The following NOX1 variants were observed in gnomAD, a reference collection of about 807,000 sequenced individuals.
The protein encoded by NOX1 is NADPH oxidase 1, also known as NADH/NADPH mitogenic oxidase subunit P65-MOX.
NOX1 carries 34 observed loss-of-function variants against 42.5 expected under a neutral mutation model. That is an observed-to-expected ratio of 0.80 (90% CI 0.61 to 1.07). The LOEUF (loss-of-function observed/expected upper bound fraction) is 1.07. Among genes scored for constraint, NOX1 ranks in the 50% least tolerant of loss-of-function variants. The probability of loss-of-function intolerance (pLI) is 0.00; values close to 1 mark genes in which losing one functional copy is unlikely to be tolerated. For synonymous variants in NOX1, 143 were observed against 152.5 expected (o/e 0.94, Z 0.46); for missense variants, 408 against 427.0 (o/e 0.96, Z 0.39).
At position 100,845,836 on chromosome X, in the gene NOX1, C is replaced by T. The variant is rs760077082; in HGVS notation, c.1569-1758G>A. On this transcript the variant is annotated intron_variant, in intron 12 of 12. Coordinates refer to ENST00000372966, the MANE Select transcript of NOX1 (RefSeq NM_007052.5). Reference sequence around the variant, plus strand: ...AATCTCGCTGTCGCCCAGGCTGGAGCGCAGTGGCACGATCTTGGCTCACTG... The same window carrying T: ...AATCTCGCTGTCGCCCAGGCTGGAGTGCAGTGGCACGATCTTGGCTCACTG... 1.2e-3 allele frequency among the ~76,000 whole-genome samples: 127 copies of T among 104,107 alleles called. 1 individual carries two copies. The highest frequency in any genetic ancestry group is 5.2e-3 in the Middle Eastern group (1 of 193). 90.4% of individuals were successfully genotyped at this position (104,107 alleles called of 115,157 possible).
In NOX1 at chrX:100,849,787, G is replaced by A; in HGVS notation, c.1281C>T (p.Asn427=). ...IWYKFQCADH[N]LKTKKIYFYW... is the part of the protein sequence containing the mutation. Reference sequence around the variant, plus strand: ...GGGATTATACCTTTTTTGTTTTGAGGTTGTGGTCTGCACACTGGAATTTGT... The same window carrying A: ...GGGATTATACCTTTTTTGTTTTGAGATTGTGGTCTGCACACTGGAATTTGT... Residue 427 remains asparagine (N), a synonymous_variant, in exon 10 of 13, where the codon AAC becomes AAT. Transcript: ENST00000372966. 8.3e-7 allele frequency: 1 copy of A among 1,202,584 alleles called. No homozygotes were observed. Among genetic ancestry groups the A allele is most frequent in the Non-Finnish European group, 1.1e-6 (1 of 892,528 alleles).
intron 7 of NOX1, among the ~76,000 whole-genome samples, chrX:100,861,679 G>C (rs2085204245): frequency 9.0e-6 from 1 of 111,592 alleles, no homozygotes; most frequent in Non-Finnish European, 1.9e-5. Flanking sequence ...CTTTGGGACA[G>C]TATAGTGGTC....
At chrX:100,873,575 G>C (rs1215759424) in intron 1 of NOX1, among the ~76,000 whole-genome samples, 1 of 111,957 alleles carries the variant, frequency 8.9e-6, no homozygotes, top group Non-Finnish European at 1.9e-5. Flanking sequence ...ATACTGAAAG[G>C]ATTTGTTGAT....
chrX:100,862,896 A>C, intron 4 of NOX1, 76 bp from the exon 5 acceptor site: 1 of 949,948 alleles, frequency 1.1e-6, no homozygotes, highest in South Asian at 2.1e-5. Context: ...CTAGACTAGA[A>C]GAATCCTACA....
At chrX:100,849,249 G>C in intron 11 of NOX1, 31 bp downstream of exon 11, 2 of 1,196,346 alleles carry the variant, frequency 1.7e-6, no homozygotes, top group East Asian at 3.0e-5. Flanking sequence ...CTTATGTTTA[G>C]TAGGGGAATT....
chrX:100,863,667 C>T, intron 2 of NOX1, 72 bp from the exon 3 acceptor site: 1 of 1,138,594 alleles, frequency 8.8e-7, no homozygotes, highest in Non-Finnish European at 1.2e-6. Context: ...ACTGACCCAG[C>T]CCACTCATCT....
chrX:100,846,765 T>C (rs760885523), intron 12 of NOX1, among the ~76,000 whole-genome samples: 2 of 112,882 alleles, frequency 1.8e-5, no homozygotes, highest in Admixed American at 1.9e-4. Context: ...ATATATTGTC[T>C]CACTTAATTG....
chrX:100,871,982 C>G (rs1280578727), intron 1 of NOX1, among the ~76,000 whole-genome samples: 1 of 112,090 alleles, frequency 8.9e-6, no homozygotes, highest in Non-Finnish European at 1.9e-5. Context: ...TCTTCACCTG[C>G]AAAATGAGGA....
chrX:100,864,218 G>T, intron 2 of NOX1, among the ~76,000 whole-genome samples: 1 of 111,825 alleles, frequency 8.9e-6, no homozygotes, highest in Non-Finnish European at 1.9e-5. Flanking sequence ...TGGAACTCCT[G>T]AGCTCAAGAG....
At chrX:100,868,400 C>T (rs1423986307) in intron 2 of NOX1, among the ~76,000 whole-genome samples, 1 of 111,860 alleles carries the variant, frequency 8.9e-6, no homozygotes, top group African/African-American at 3.3e-5. Context: ...AGGTAGCAGT[C>T]AAATATGCTC....
chrX:100,858,444 GT>G (rs947596587), intron 7 of NOX1, among the ~76,000 whole-genome samples: 5 of 110,333 alleles, frequency 4.5e-5, no homozygotes, highest in Admixed American at 1.9e-4. Flanking sequence ...TTTTGAAATA[GT>G]TTTTTTTTCT....
chrX:100,853,820 G>A (rs1357673472), intron 7 of NOX1, among the ~76,000 whole-genome samples: 1 of 110,026 alleles, frequency 9.1e-6, no homozygotes, highest in Non-Finnish European at 1.9e-5. Flanking sequence ...ACAGGCATGA[G>A]CCACCACTCC....
At chrX:100,873,975 C>T (rs1933717200) in intron 1 of NOX1, 120 bp downstream of exon 1, 3 of 498,245 alleles carry the variant, frequency 6.0e-6, no homozygotes, top group Non-Finnish European at 1.0e-5. Flanking sequence ...ACTAACTGGT[C>T]TTGATGAGCC....
chrX:100,858,018 T>C (rs772511989), intron 7 of NOX1, among the ~76,000 whole-genome samples: 1 of 111,927 alleles, frequency 8.9e-6, no homozygotes, highest in Admixed American at 9.5e-5. Flanking sequence ...TGGTATTGCC[T>C]AGGTTGTCTT....
intron 7 of NOX1, among the ~76,000 whole-genome samples, chrX:100,851,715 C>G (rs1303168129): frequency 9.0e-6 from 1 of 111,475 alleles, no homozygotes; most frequent in Admixed American, 9.6e-5. Context: ...AGTTGGAGAC[C>G]TAGCCTGGGC....
chrX:100,859,187 G>A (rs941819141), intron 7 of NOX1, among the ~76,000 whole-genome samples: 2 of 111,940 alleles, frequency 1.8e-5, no homozygotes, highest in African/African-American at 6.5e-5. Context: ...CTACTGAGAT[G>A]ATCATATGAT....
chrX:100,847,519 C>T (rs186509839), intron 12 of NOX1, among the ~76,000 whole-genome samples: 79 of 109,970 alleles, frequency 7.2e-4, no homozygotes, highest in African/African-American at 2.6e-3. Context: ...AATCTCAGCA[C>T]TTTTGGGGGC....
chrX:100,868,766 CATAG>C (rs1167225820), intron 2 of NOX1, among the ~76,000 whole-genome samples: 1 of 110,895 alleles, frequency 9.0e-6, no homozygotes, highest in African/African-American at 3.3e-5. Context: ...AGCAGGTGTT[CATAG>C]ATAGATATAG....
At position 100,850,168 on chromosome X, in the gene NOX1, T is replaced by C. The variant is rs778002828; in HGVS notation, c.1116A>G (p.Gln372=). ...TENLIRAFEQ[Q]YSPIPRIEVD... ...GGACCTACCTGGGAATTGGTGAATATTGTTGTTCGAAAGCCCTTATGAGAT... is the reference window on the plus strand; with the variant it reads ...GGACCTACCTGGGAATTGGTGAATACTGTTGTTCGAAAGCCCTTATGAGAT... The change falls in exon 9 of 13, where the codon CAA becomes CAG. Residue 372 remains glutamine (Q), a synonymous_variant. Transcript: ENST00000372966. 4.1e-6 allele frequency: 5 copies of C among 1,207,422 alleles called. No individual in the cohort carries two copies. The highest frequency in any genetic ancestry group is 1.8e-5 in the South Asian group (1 of 56,651).
Sources: gnomAD v4.1 joint callset for allele counts (sites outside exome capture counted in the v4.1 genomes callset) on GRCh38, gnomAD v4.1.1 for gene constraint, MANE v1.5 for transcripts, NCBI Gene and HGNC (gene_info 2026-07-23, HGNC 2026-07-21) for gene names.